The following RNF213 variants were observed in gnomAD, a reference collection of about 807,000 sequenced individuals.
RNF213 encodes the protein ring finger protein 213.
RNF213 carries 341 observed loss-of-function variants against 514.4 expected under a neutral mutation model. That is an observed-to-expected ratio of 0.66 (90% CI 0.61 to 0.73). RNF213 has a LOEUF of 0.73. RNF213 is among the 30% of genes least tolerant of loss of function. The probability of loss-of-function intolerance (pLI) is 0.00; values close to 1 mark genes in which losing one functional copy is unlikely to be tolerated. For synonymous variants in RNF213, 2,655 were observed against 2,658.2 expected, an observed-to-expected ratio of 1.00 and a Z score of 0.04; for missense variants, 5,767 against 6,615.6, an observed-to-expected ratio of 0.87 and a Z score of 4.45.
At chr17:80,283,725 G>A (rs944463642) in intron 3 of RNF213, among the ~76,000 whole-genome samples, 3 of 152,194 alleles carry the variant, frequency 2.0e-5, no homozygotes, top group Admixed American at 6.5e-5. Context: ...GGGAGGTGGG[G>A]GGTGGTCAGG....
At chr17:80,351,262 C>T (rs1255201066) in intron 31 of RNF213, among the ~76,000 whole-genome samples, 3 of 152,138 alleles carry the variant, frequency 2.0e-5, no homozygotes, top group Non-Finnish European at 4.4e-5. Context: ...GCAGGAGGAT[C>T]GTTTGAGGCC....
In RNF213 at chr17:80,343,230, G is replaced by A. The variant is rs1342374812; in HGVS notation, c.6088G>A (p.Val2030Met). 16 of 1,614,032 alleles carry A rather than the reference G, an allele frequency of 9.9e-6. No individual in the cohort carries two copies. The highest frequency in any genetic ancestry group is 1.1e-5 in the Non-Finnish European group (13 of 1,179,940). The change falls in exon 27 of 68, where the codon GTG (valine) becomes ATG (methionine). Residue 2030 changes from valine to methionine, a missense_variant. Physicochemically the swap from Val to Met is conservative, Grantham distance 21 (BLOSUM62 1). Coordinates refer to ENST00000582970, the MANE Select transcript of RNF213 (RefSeq NM_001256071.3). The surrounding 1 kb of genome is among the most constrained non-coding windows in gnomAD (Gnocchi z 4.3). ...LKTIRLIDPQ[V>M]DESRVLGALL... ...AACAATTCGACTGATCGACCCTCAG[G>A]TGGATGAGAGCCGAGTCCTGGGCGC...
At chr17:80,273,161 T>C (rs1598890175) in intron 2 of RNF213, 80 bp from the exon 3 acceptor site, 1 of 1,569,970 alleles carries the variant, frequency 6.4e-7, no homozygotes, top group East Asian at 2.3e-5. Flanking sequence ...CTCCATGCAC[T>C]CGTGGGGAGG....
intron 20 of RNF213, among the ~76,000 whole-genome samples, chr17:80,329,149 C>T (rs180859236): frequency 6.6e-6 from 1 of 152,362 alleles, no homozygotes; most frequent in East Asian, 1.9e-4. Context: ...TTGCCTGGCA[C>T]CTGGGTTAGA....
chr17:80,310,476 C>T (rs550935406), intron 14 of RNF213, among the ~76,000 whole-genome samples: 28 of 151,944 alleles, frequency 1.8e-4, no homozygotes, highest in Admixed American at 1.6e-3. Context: ...TGGTCTCAAA[C>T]GCCTGACCTC....
Position 80,386,232 on chromosome 17 carries a change from T to TA in RNF213, c.14540-16dup. 1 of 1,603,226 alleles carries TA rather than the reference T, an allele frequency of 6.2e-7. No homozygotes were observed. The highest frequency in any genetic ancestry group is 2.2e-5 in the East Asian group (1 of 44,878). On this transcript the variant is annotated splice_polypyrimidine_tract_variant and intron_variant, in intron 61 of 67. Coordinates refer to ENST00000582970, the MANE Select transcript of RNF213 (RefSeq NM_001256071.3). ...GTTGGAACTCCTCTCTGCTTAAGCA[T>TA]AACCCTGTCGTTTAAAGGTGAGATC...
intron 17 of RNF213, chr17:80,319,973 A>G: frequency 9.7e-7 from 1 of 1,031,786 alleles, no homozygotes; most frequent in Non-Finnish European, 1.2e-6. Context: ...TTTTTAAGTG[A>G]CTGATACCTT....
Position 80,319,328 on chromosome 17 carries a change from T to C in RNF213, c.3024+16T>C, listed in dbSNP as rs759399580. On this transcript the variant is annotated intron_variant, in intron 17 of 67. Coordinates refer to ENST00000582970, the MANE Select transcript of RNF213 (RefSeq NM_001256071.3). ...AGCCTGCCAGGTGAACAATCTCTCC[T>C]CCTGGGAAACGGATTCGGGCTCACA... is the stretch of plus-strand genomic sequence containing the variant. The C allele has an allele frequency of 1.2e-6, 2 of 1,614,116 alleles. No individual in the cohort carries two copies. The highest frequency in any genetic ancestry group is 3.3e-5 in the Admixed American group (2 of 60,000).
At chr17:80,352,179 T>C (rs1442984151) in intron 32 of RNF213, 3 of 227,116 alleles carry the variant, frequency 1.3e-5, no homozygotes, top group Non-Finnish European at 2.6e-5. Flanking sequence ...TTAAGTCATG[T>C]TGGAACTGTT....
At chr17:80,315,766 A>AAGG (rs2045907484) in intron 15 of RNF213, 2 of 21,592 alleles carry the variant, frequency 9.3e-5, no homozygotes, top group African/African-American at 3.3e-4. Context: ...GACAGTGGTG[A>AAGG]TGCTGGTGGT....
At chr17:80,372,307 A>AT (rs35187522) in intron 47 of RNF213, among the ~76,000 whole-genome samples, 23 of 152,082 alleles carry the variant, frequency 1.5e-4, no homozygotes, top group Non-Finnish European at 2.8e-4. Flanking sequence ...AAATTAGATA[A>AT]TTTTTTTTCC....
At chr17:80,336,080 C>T (rs908588793) in intron 22 of RNF213, 81 bp from the exon 23 acceptor site, 44 of 1,137,052 alleles carry the variant, frequency 3.9e-5, no homozygotes, top group Non-Finnish European at 5.3e-5. Flanking sequence ...ATTTCAGCTT[C>T]AGTAAGGATT....
chr17:80,369,637 C>T lies in RNF213; in HGVS notation c.12291C>T (p.Phe4097=), dbSNP rs534355648. The change falls in exon 45 of 68, where the codon TTC becomes TTT. Residue 4097 remains phenylalanine, a synonymous_variant. Transcript: ENST00000582970. ...TTGAGAGCCTGCTCTCTCTCCTCTT[C>T]GTCCAAAAGGGGCGCTTAAGAGATG... is the stretch of plus-strand genomic sequence containing the variant. ...EVIESLLSLL[F]VQKGRLRDAA... 1.1e-4 allele frequency: 184 copies of T among 1,614,248 alleles called. No homozygotes were observed. The highest frequency in any genetic ancestry group is 3.3e-4 in the Middle Eastern group (2 of 6,062).
intron 42 of RNF213, among the ~76,000 whole-genome samples, chr17:80,366,010 T>C (rs1309547342): frequency 6.6e-6 from 1 of 152,206 alleles, no homozygotes; most frequent in Non-Finnish European, 1.5e-5. Flanking sequence ...CAGATCTCTG[T>C]GCAGGTAACC....
rs764681341 is a variant in RNF213 at position 80,386,399 on chromosome 17, G to A, written c.14689G>A (p.Ala4897Thr). The change falls in exon 62 of 68, where the codon GCC (alanine) becomes ACC (threonine). Residue 4897 changes from alanine (A) to threonine (T), a missense_variant. This residue lies in a region of RNF213 where 1,245 missense variants were observed against 1,339.0 expected (regional missense o/e 0.93). Coordinates refer to ENST00000582970, the MANE Select transcript of RNF213 (RefSeq NM_001256071.3). The stretch of plus-strand genomic sequence containing the variant: ...TCGCCTACACAATGAAATTGTCTAC[G>A]CCGTGGAAAAACTCTCCAAGGAAAA... ...LIRLHNEIVYAVEKLSKENNS... is the reference protein window; with the variant it reads ...LIRLHNEIVYTVEKLSKENNS... 6.2e-6 allele frequency: 10 copies of A among 1,614,004 alleles called. No homozygotes were observed. The highest frequency in any genetic ancestry group is 1.6e-4 in the Middle Eastern group (1 of 6,084).
chr17:80,347,851 C>G lies in RNF213; in HGVS notation c.9516C>G (p.His3172Gln). The G allele has an allele frequency of 6.2e-7, 1 of 1,614,184 alleles. No homozygotes were observed. The highest frequency in any genetic ancestry group is 1.3e-5 in the African/African-American group (1 of 75,046). Residue 3172 changes from histidine to glutamine, a missense_variant, in exon 29 of 68, where the codon CAC (histidine) becomes CAG (glutamine). By Grantham distance (24) the His-to-Gln change is conservative. Transcript: ENST00000582970. This position sits in a 1 kb window ranked among gnomAD's most constrained non-coding sequence, Gnocchi z 7.2. ...PIPLINRLEK[H>Q]YLDINTVLEK... Reference sequence around the variant, plus strand: ...CCCTCATTAACCGGCTGGAGAAGCACTATCTGGATATCAACACGGTGCTGG... The same window carrying G: ...CCCTCATTAACCGGCTGGAGAAGCAGTATCTGGATATCAACACGGTGCTGG...
intron 3 of RNF213, among the ~76,000 whole-genome samples, chr17:80,274,353 G>A (rs1179912007): frequency 1.3e-5 from 2 of 151,028 alleles, no homozygotes; most frequent in East Asian, 2.0e-4. Context: ...CGAGGGGAGC[G>A]TCCTGGACAT....
At chr17:80,305,040 A>T (rs1368772943) in intron 11 of RNF213, among the ~76,000 whole-genome samples, 1 of 151,956 alleles carries the variant, frequency 6.6e-6, no homozygotes, top group Non-Finnish European at 1.5e-5. Flanking sequence ...CTTTTTGTGT[A>T]TTTATTTATT....
chr17:80,357,255 G>T (rs1460766081), intron 36 of RNF213, among the ~76,000 whole-genome samples: 2 of 152,120 alleles, frequency 1.3e-5, no homozygotes, highest in African/African-American at 4.8e-5. Context: ...TTTTGAAATA[G>T]AGCTATTATT....
Sources: gnomAD v4.1 joint callset for allele counts (sites outside exome capture counted in the v4.1 genomes callset) on GRCh38, gnomAD v4.1.1 for gene constraint, gnomAD v4.1.1 regional missense constraint, Gnocchi (gnomAD v3.1) non-coding constraint, MANE v1.5 for transcripts, NCBI Gene and HGNC (gene_info 2026-07-23, HGNC 2026-07-21) for gene names.